The following CECR2 variants were observed in gnomAD, a reference collection of about 807,000 sequenced individuals.
CECR2 encodes the protein chromatin remodeling regulator CECR2.
Under a neutral mutation model 154.5 loss-of-function variants are expected in CECR2, and 30 were observed. That is an observed-to-expected ratio of 0.19 (90% CI 0.15 to 0.26). CECR2 has a LOEUF of 0.26. CECR2 is among the 10% of genes least tolerant of loss of function. The pLI is 1.00. For missense variants in CECR2, 1,743 were observed against 1,829.3 expected (o/e 0.95, Z 0.86); for synonymous variants, 725 against 683.7 (o/e 1.06, Z -0.94).
Position 17,542,940 on chromosome 22 carries a change from G to C in CECR2, c.2797G>C (p.Ala933Pro), listed in dbSNP as rs764701990. The change falls in exon 16 of 19, where the codon GCC becomes CCC. Residue 933 changes from alanine (A) to proline (P), a missense_variant. By Grantham distance (27) the Ala-to-Pro change is conservative (BLOSUM62 -1). Around this residue, in one of 4 missense-constraint regions of CECR2, gnomAD observed 1,250 missense variants for 1,192.1 expected, o/e 1.05. Transcript: ENST00000262608. ...AGTCACTGTGTCAGCCCCCAAGCCTGCCCTGGGCAACCCTGGGAGGGCACC... is the reference window on the plus strand; with the variant it reads ...AGTCACTGTGTCAGCCCCCAAGCCTCCCCTGGGCAACCCTGGGAGGGCACC... ...MSVTVSAPKP[A>P]LGNPGRAPEN... The C allele has an allele frequency of 1.9e-6, 3 of 1,613,732 alleles. No individual in the cohort carries two copies. The highest frequency in any genetic ancestry group is 2.5e-6 in the Non-Finnish European group (3 of 1,179,818).
chr22:17,469,251 T>C (rs1648098625), intron 1 of CECR2, among the ~76,000 whole-genome samples: 1 of 152,076 alleles, frequency 6.6e-6, no homozygotes, highest in South Asian at 2.1e-4. Flanking sequence ...CTCTGTGTTA[T>C]GTGCTGACCT....
intron 1 of CECR2, among the ~76,000 whole-genome samples, chr22:17,438,514 A>G (rs2054538639): frequency 1.3e-5 from 2 of 152,270 alleles, no homozygotes; most frequent in Non-Finnish European, 2.9e-5. Flanking sequence ...ATGTTTTCCC[A>G]TAAGGCAAGC....
intron 1 of CECR2, among the ~76,000 whole-genome samples, chr22:17,388,008 G>A (rs1222387112): frequency 6.6e-6 from 1 of 151,992 alleles, no homozygotes; most frequent in African/African-American, 2.4e-5. Flanking sequence ...AGGCTGGAGT[G>A]CAGTGGTGCC....
intron 1 of CECR2, among the ~76,000 whole-genome samples, chr22:17,447,685 C>T (rs8139065): frequency 6.8e-6 from 1 of 147,394 alleles, no homozygotes; most frequent in African/African-American, 2.5e-5. Context: ...GGGTCGGGGG[C>T]GGTGGGGGGC....
At chr22:17,362,928 C>G (rs1420844176) in intron 1 of CECR2, among the ~76,000 whole-genome samples, 1 of 149,096 alleles carries the variant, frequency 6.7e-6, no homozygotes, top group African/African-American at 2.5e-5. Context: ...AAAAAGAATA[C>G]GTCCAAGAAT....
chr22:17,415,243 C>A (rs2054139232), intron 1 of CECR2, among the ~76,000 whole-genome samples: 1 of 151,860 alleles, frequency 6.6e-6, no homozygotes, highest in Admixed American at 6.6e-5. Flanking sequence ...CTTTGTTCTT[C>A]TTTTTTTCTT....
chr22:17,366,167 GA>G (rs1216172080), upstream of CECR2, among the ~76,000 whole-genome samples: 3 of 152,030 alleles, frequency 2.0e-5, no homozygotes. Context: ...ATGAGAAGGG[GA>G]AAGAAAATAT....
intron 9 of CECR2, among the ~76,000 whole-genome samples, chr22:17,536,789 G>A (rs1412389112): frequency 4.6e-5 from 7 of 151,844 alleles, no homozygotes; most frequent in Admixed American, 4.6e-4. Context: ...CTTTTTCTTC[G>A]ACTGCCATTC....
chr22:17,479,841 C>T (rs1323654019), intron 2 of CECR2, among the ~76,000 whole-genome samples: 1 of 146,714 alleles, frequency 6.8e-6, no homozygotes, highest in Non-Finnish European at 1.5e-5. Context: ...GATCCTGTCT[C>T]ACTGTAGCCT....
At chr22:17,398,584 C>T (rs553223533) in intron 1 of CECR2, among the ~76,000 whole-genome samples, 10 of 152,290 alleles carry the variant, frequency 6.6e-5, no homozygotes, top group Non-Finnish European at 1.3e-4. Context: ...TTCCTGGTGC[C>T]ATCCACAGTG....
intron 1 of CECR2, among the ~76,000 whole-genome samples, chr22:17,441,638 T>C (rs1406391225): frequency 6.7e-6 from 1 of 148,234 alleles, no homozygotes; most frequent in Non-Finnish European, 1.5e-5. Context: ...TGAATCCTTC[T>C]TTTTTGAGGA....
chr22:17,437,759 A>C (rs1473683887), intron 1 of CECR2, among the ~76,000 whole-genome samples: 1 of 152,218 alleles, frequency 6.6e-6, no homozygotes, highest in Non-Finnish European at 1.5e-5. Context: ...GTCAGACTTT[A>C]AAATGCAAGG....
intron 7 of CECR2, 70 bp from the exon 8 acceptor site, chr22:17,511,743 A>G: frequency 7.5e-7 from 1 of 1,334,498 alleles, no homozygotes; most frequent in South Asian, 1.3e-5. Flanking sequence ...CGGCAGCAGC[A>G]GCAGCAGCAT....
At chr22:17,367,090 C>A (rs190992714), upstream of CECR2, among the ~76,000 whole-genome samples, 5 of 152,134 alleles carry the variant, frequency 3.3e-5, no homozygotes, top group Admixed American at 6.5e-5. Flanking sequence ...CACCAGGGGG[C>A]GCGTGCCGTT....
chr22:17,511,040 G>T (rs1350494546), intron 7 of CECR2, among the ~76,000 whole-genome samples: 2 of 152,134 alleles, frequency 1.3e-5, no homozygotes, highest in African/African-American at 4.8e-5. Flanking sequence ...ATTAAGTGGT[G>T]CCAGAACTGA....
intron 2 of CECR2, among the ~76,000 whole-genome samples, chr22:17,478,513 G>A (rs1039390018): frequency 1.1e-4 from 17 of 151,968 alleles, no homozygotes; most frequent in Admixed American, 3.9e-4. Flanking sequence ...TCGCCACCAC[G>A]CCCGGCTAAT....
At chr22:17,527,769 CAAAA>C (rs3079565) in intron 9 of CECR2, among the ~76,000 whole-genome samples, 34 of 89,946 alleles carry the variant, frequency 3.8e-4, no homozygotes, top group African/African-American at 1.0e-3. Flanking sequence ...GATTCTGTCT[CAAAA>C]AAAAAAAAAA....
At position 17,504,983 on chromosome 22, in the gene CECR2, C is replaced by T. The variant is rs747290215; in HGVS notation, c.837C>T (p.Phe279=). Residue 279 remains phenylalanine, a synonymous_variant, in exon 7 of 19, where the codon TTC becomes TTT. Transcript: ENST00000262608. Reference sequence around the variant, plus strand: ...TCTACAAGCTCCTCAGTGAGGACTTCCTGCCTGAGATCTGCAACATGATCG... The same window carrying T: ...TCTACAAGCTCCTCAGTGAGGACTTTCTGCCTGAGATCTGCAACATGATCG... ...RQLYKLLSED[F]LPEICNMIAQ... 1.2e-6 allele frequency: 2 copies of T among 1,613,682 alleles called. No homozygotes were observed. Among genetic ancestry groups the T allele is most frequent in the South Asian group, 2.2e-5 (2 of 91,042 alleles).
chr22:17,501,304 A>G (rs2055733425), intron 5 of CECR2, among the ~76,000 whole-genome samples: 2 of 152,146 alleles, frequency 1.3e-5, no homozygotes, highest in African/African-American at 4.8e-5. Context: ...TTTAACCACT[A>G]AGAAATATTT....
Sources: allele counts gnomAD v4.1 joint callset (sites outside exome capture counted in the v4.1 genomes callset), GRCh38; gene constraint gnomAD v4.1.1; regional missense constraint gnomAD v4.1.1; transcripts MANE v1.5; gene names NCBI Gene and HGNC (gene_info 2026-07-23, HGNC 2026-07-21).